The following BICDL1 variants were observed in gnomAD, a reference collection of about 807,000 sequenced individuals.
BICDL1 encodes BICD family like cargo adaptor 1.
A neutral mutation model predicts 76.8 loss-of-function variants in BICDL1; 20 were observed. The ratio of observed to expected loss-of-function variants is 0.26; its 90% confidence interval spans 0.18 to 0.38. BICDL1 has a LOEUF of 0.38. BICDL1 is among the 10% of genes least tolerant of loss of function. BICDL1 has a pLI of 1.00. For synonymous variants in BICDL1, 383 were observed against 337.1 expected (o/e 1.14, Z -1.49); for missense variants, 700 against 798.6 (o/e 0.88, Z 1.49).
At chr12:120,069,238 T>C (rs932626651) in intron 4 of BICDL1, among the ~76,000 whole-genome samples, 1 of 152,142 alleles carries the variant, frequency 6.6e-6, no homozygotes, top group Non-Finnish European at 1.5e-5. Context: ...AAAAGGAATG[T>C]CTCCAAGTAA....
At chr12:120,088,802 G>C (rs1362668261) in intron 8 of BICDL1, among the ~76,000 whole-genome samples, 1 of 152,158 alleles carries the variant, frequency 6.6e-6, no homozygotes, top group Non-Finnish European at 1.5e-5. Context: ...CAGTAGCTGG[G>C]ACTACAGGCA....
chr12:120,077,959 C>T (rs1286652257), intron 7 of BICDL1, among the ~76,000 whole-genome samples: 1 of 152,186 alleles, frequency 6.6e-6, no homozygotes, highest in Non-Finnish European at 1.5e-5. Flanking sequence ...AGCCTGCGTC[C>T]CTCTGGTTTC....
rs557827699 is a variant in BICDL1 at position 120,079,828 on chromosome 12, C to T, written c.1453-1059C>T. On this transcript the variant is annotated intron_variant, in intron 7 of 9. Transcript: ENST00000548673. This position sits in a 1 kb window ranked among gnomAD's most constrained non-coding sequence, Gnocchi z 4.3. ...ACTGCCGCCCTTGTCACTAATTCCT[C>T]CCTCGCCTGGGGCTTTGCTGTGCTC... is the stretch of plus-strand genomic sequence containing the variant. Among the ~76,000 whole-genome samples the T allele has an allele frequency of 1.3e-5, 2 of 152,336 alleles. No homozygotes were observed. The highest frequency in any genetic ancestry group is 4.1e-4 in the South Asian group (2 of 4,828).
intron 8 of BICDL1, among the ~76,000 whole-genome samples, chr12:120,088,253 T>A (rs1022210384): frequency 1.3e-5 from 2 of 152,208 alleles, no homozygotes; most frequent in African/African-American, 4.8e-5. Context: ...GTTTTTGTTT[T>A]ACAAAACTAG....
At chr12:120,039,203 A>G (rs996802270) in intron 2 of BICDL1, among the ~76,000 whole-genome samples, 2 of 152,076 alleles carry the variant, frequency 1.3e-5, no homozygotes, top group Non-Finnish European at 2.9e-5. Flanking sequence ...AGGCTAAGGC[A>G]GGAGAATCGC....
At chr12:120,027,747 G>T (rs1952337598) in intron 2 of BICDL1, among the ~76,000 whole-genome samples, 1 of 152,134 alleles carries the variant, frequency 6.6e-6, no homozygotes, top group South Asian at 2.1e-4. Context: ...ATTTTCTCTT[G>T]GGTATAGTGT....
intron 2 of BICDL1, among the ~76,000 whole-genome samples, chr12:120,050,901 G>A (rs1952844870): frequency 6.6e-6 from 1 of 152,134 alleles, no homozygotes; most frequent in Non-Finnish European, 1.5e-5. Context: ...CAAAGTGCTG[G>A]GATTACAGAC....
In BICDL1 at chr12:120,041,287, G is replaced by C. The variant is rs1286028692; in HGVS notation, c.646-20423G>C. Among the ~76,000 whole-genome samples, 4 of 152,134 alleles carry C rather than the reference G, an allele frequency of 2.6e-5. No individual in the cohort carries two copies. The East Asian group carries it at 7.7e-4, about 29-fold the overall frequency. On this transcript the variant is annotated intron_variant, in intron 2 of 9. Transcript: ENST00000548673. The stretch of plus-strand genomic sequence containing the variant: ...TCTATCAGTTTTACTCTAAAGGGAA[G>C]ATTGAAAGATAAAATTCTTAATATT...
chr12:120,049,930 AGT>A (rs779815846), intron 2 of BICDL1, among the ~76,000 whole-genome samples: 2 of 152,172 alleles, frequency 1.3e-5, no homozygotes, highest in Non-Finnish European at 2.9e-5. Flanking sequence ...TCCCACCAAC[AGT>A]GTGTGGGAAT....
intron 4 of BICDL1, among the ~76,000 whole-genome samples, chr12:120,070,015 C>A (rs1872965372): frequency 6.6e-6 from 1 of 152,214 alleles, no homozygotes. Flanking sequence ...AGTATTCTAA[C>A]ATGTGAACAT....
intron 2 of BICDL1, among the ~76,000 whole-genome samples, chr12:120,058,590 C>CTTTTT (rs1039285394): frequency 7.3e-6 from 1 of 136,144 alleles, no homozygotes; most frequent in Admixed American, 7.4e-5. Context: ...AAATTTTTTT[C>CTTTTT]TTTTTTTTTT....
At chr12:120,053,826 T>C (rs1952915434) in intron 2 of BICDL1, among the ~76,000 whole-genome samples, 1 of 152,180 alleles carries the variant, frequency 6.6e-6, no homozygotes, top group African/African-American at 2.4e-5. Context: ...GGAATAAGTA[T>C]ATGTATGCTC....
At chr12:120,028,676 CAAAAAT>C (rs1171670420) in intron 2 of BICDL1, among the ~76,000 whole-genome samples, 3 of 151,870 alleles carry the variant, frequency 2.0e-5, no homozygotes, top group Non-Finnish European at 4.4e-5. Context: ...GACTCAGACT[CAAAAAT>C]AATAATAATA....
intron 9 of BICDL1, 198 bp from the exon 10 acceptor site, chr12:120,092,802 A>C: frequency 1.0e-6 from 1 of 985,442 alleles, no homozygotes; most frequent in Non-Finnish European, 1.2e-6. Flanking sequence ...AGGAGGCTGG[A>C]GGTGCCATAC....
chr12:120,068,123 A>AG (rs1386497329), intron 4 of BICDL1, among the ~76,000 whole-genome samples: 1 of 152,220 alleles, frequency 6.6e-6, no homozygotes, highest in Non-Finnish European at 1.5e-5. Context: ...TCCCTTCATG[A>AG]GAACTATAGA....
chr12:120,092,326 A>G, intron 9 of BICDL1: 1 of 985,390 alleles, frequency 1.0e-6, no homozygotes. Flanking sequence ...GGACGGTCCT[A>G]CCCCAGTGAG....
chr12:120,058,969 G>A (rs1190488338), intron 2 of BICDL1, among the ~76,000 whole-genome samples: 3 of 152,036 alleles, frequency 2.0e-5, no homozygotes, highest in South Asian at 2.1e-4. Flanking sequence ...AATTGGACTC[G>A]TGTAAAGTTT....
At chr12:120,092,606 G>C in intron 9 of BICDL1, 2 of 985,466 alleles carry the variant, frequency 2.0e-6, no homozygotes, top group Non-Finnish European at 2.4e-6. Context: ...CGGGGCTGGG[G>C]GTGGCAAGCC....
chr12:120,064,594 C>G (rs1953179642), intron 3 of BICDL1, 139 bp from the exon 4 acceptor site: 2 of 767,158 alleles, frequency 2.6e-6, no homozygotes, highest in Non-Finnish European at 4.0e-6. Flanking sequence ...CATAGCTATT[C>G]TCTCAGAGAT....
Sources: gnomAD v4.1 joint callset for allele counts (sites outside exome capture counted in the v4.1 genomes callset) on GRCh38, gnomAD v4.1.1 for gene constraint, Gnocchi (gnomAD v3.1) non-coding constraint, MANE v1.5 for transcripts, NCBI Gene and HGNC (gene_info 2026-07-23, HGNC 2026-07-21) for gene names.